Variants in SRGAP2B observed in about 807,000 individuals in gnomAD.
SRGAP2B encodes the protein SLIT-ROBO Rho GTPase activating protein 2B.
A neutral mutation model predicts 22.2 loss-of-function variants in SRGAP2B; 9 were observed. The observed-to-expected ratio is 0.41, with a 90% CI of 0.24 to 0.71. The LOEUF is 0.71. Among genes scored for constraint, SRGAP2B ranks in the 30% least tolerant of loss-of-function variants. The pLI is 0.35. For synonymous variants in SRGAP2B, 36 were observed against 87.4 expected (o/e 0.41, Z 3.28); for missense variants, 114 against 235.8 (o/e 0.48, Z 3.38).
rs2987910 is a variant in SRGAP2B, at chr1:144,956,171, C to G, written c.261-570G>C. Among the ~76,000 whole-genome samples the G allele has an allele frequency of 1.6e-4, 24 of 149,986 alleles. 1 individual carries two copies. The highest frequency in any genetic ancestry group is 6.0e-4 in the African/African-American group (24 of 39,860). On this transcript the variant is annotated intron_variant, in intron 3 of 9. Transcript: ENST00000612199. Reference sequence around the variant, plus strand: ...ACCAAAGTTAGAGATTTTGTCTAGACACAAAAATCACTACAGCACTACAAA... The same window carrying G: ...ACCAAAGTTAGAGATTTTGTCTAGAGACAAAAATCACTACAGCACTACAAA...
rs587695757 is a variant in SRGAP2B at position 144,920,798 on chromosome 1, A to G, written c.424-6044T>C. Among the ~76,000 whole-genome samples the G allele has an allele frequency of 2.5e-4, 37 of 150,898 alleles. 3 individuals carry two copies. The highest frequency in any genetic ancestry group is 9.2e-4 in the African/African-American group (37 of 40,396). ...GTTTAAGAAGACTGGTTACATACAAAAGTCTGTACTTGAGGAATTAATAAA... is the reference window on the plus strand; with the variant it reads ...GTTTAAGAAGACTGGTTACATACAAGAGTCTGTACTTGAGGAATTAATAAA... On this transcript the variant is annotated intron_variant, in intron 4 of 9. Transcript: ENST00000612199.
chr1:145,025,819 TA>T (rs1280701884), intron 2 of SRGAP2B, among the ~76,000 whole-genome samples: 2 of 149,390 alleles, frequency 1.3e-5, no homozygotes, highest in East Asian at 4.0e-4. Context: ...CTGTCTATGA[TA>T]AGCATGTTGC....
Position 144,939,568 on chromosome 1 carries a change from A to C in SRGAP2B, c.423+15871T>G, listed in dbSNP as rs1665875345. 1.4e-5 allele frequency among the ~76,000 whole-genome samples: 2 copies of C among 143,846 alleles called. 1 individual carries two copies. Among genetic ancestry groups the C allele is most frequent in the Non-Finnish European group, 3.0e-5 (2 of 66,770 alleles). 94.4% of individuals were successfully genotyped at this position (143,846 alleles called of 152,430 possible). ...GAACCATGTTTTAAGCTTGCTCTGC[A>C]GGCCTTTTATACTGCCAACTTGAAT... On this transcript the variant is annotated intron_variant, in intron 4 of 9. Coordinates refer to ENST00000612199, the Ensembl canonical transcript of SRGAP2B.
chr1:144,957,032 A>G (rs1667318860), intron 3 of SRGAP2B, among the ~76,000 whole-genome samples: 1 of 150,700 alleles, frequency 6.6e-6, no homozygotes, highest in African/African-American at 2.5e-5. Context: ...ATTTTTAAAC[A>G]CTTTGCCCAA....
Position 144,995,025 on chromosome 1 carries a change from G to A in SRGAP2B, c.243C>T (p.Thr81=). Residue 81 remains threonine, a synonymous_variant, in exon 3 of 10, where the codon ACC becomes ACT. Coordinates refer to ENST00000612199, the Ensembl canonical transcript of SRGAP2B. ...GCCCCTACTTGAATTGCTGGTCCTT[G>A]GTGCTGCATGTCTTGGCCAGGAAGC... 3.9e-6 allele frequency: 6 copies of A among 1,540,804 alleles called. No individual in the cohort carries two copies. In the South Asian group the frequency reaches 4.8e-5, roughly 12 times the overall value.
intron 4 of SRGAP2B, among the ~76,000 whole-genome samples, chr1:144,925,668 A>AG (rs1664621788): frequency 7.0e-6 from 1 of 143,826 alleles, no homozygotes; most frequent in African/African-American, 2.7e-5. Context: ...AGAAAAAAAA[A>AG]GGACAGAAAG....
intron 3 of SRGAP2B, among the ~76,000 whole-genome samples, chr1:144,993,431 T>C (rs2102145339): frequency 6.6e-6 from 1 of 150,740 alleles, no homozygotes; most frequent in Non-Finnish European, 1.5e-5. Context: ...CTGGGTGTGG[T>C]GGCTCACACC....
chr1:144,915,320 C>T (rs1663784660), intron 4 of SRGAP2B, among the ~76,000 whole-genome samples: 1 of 150,704 alleles, frequency 6.6e-6, no homozygotes, highest in Non-Finnish European at 1.5e-5. Flanking sequence ...TTACTAGATG[C>T]TGAAAATATA....
chr1:145,062,552 T>TATTCG (rs1651031331), intron 2 of SRGAP2B, among the ~76,000 whole-genome samples: 1 of 152,290 alleles, frequency 6.6e-6, no homozygotes, highest in Non-Finnish European at 1.5e-5. Context: ...CCTTTCGGTT[T>TATTCG]ATTCGCCTAG....
intron 2 of SRGAP2B, among the ~76,000 whole-genome samples, chr1:145,067,287 T>TAAAA (rs782756643): frequency 3.4e-5 from 4 of 116,806 alleles, no homozygotes; most frequent in Non-Finnish European, 7.2e-5. Flanking sequence ...AGACTCTGTC[T>TAAAA]AAAAAAAAAA....
exon 10 of SRGAP2B, chr1:144,889,155 A>G (rs1255962056): frequency 1.4e-5 from 2 of 147,774 alleles, no homozygotes; most frequent in African/African-American, 2.6e-5. Context: ...GGGTTTCACC[A>G]TGTTGTCCAG....
chr1:145,030,721 A>AAT (rs1161032950), intron 2 of SRGAP2B, among the ~76,000 whole-genome samples: 337 of 14,502 alleles, frequency 0.023, 9 homozygotes, highest in Middle Eastern at 0.1. Context: ...AAAAAAAAAA[A>AAT]ATATATATAT....
At chr1:144,973,144 T>G (rs1668650033) in intron 3 of SRGAP2B, among the ~76,000 whole-genome samples, 1 of 149,012 alleles carries the variant, frequency 6.7e-6, no homozygotes. Flanking sequence ...GTAGAAAATC[T>G]CAGAGTACAT....
At chr1:144,941,018 TA>T (rs1665999224) in intron 4 of SRGAP2B, among the ~76,000 whole-genome samples, 1 of 150,118 alleles carries the variant, frequency 6.7e-6, no homozygotes, top group Non-Finnish European at 1.5e-5. Flanking sequence ...AAAATGTGTA[TA>T]AAAAAGATTG....
Position 145,021,767 on chromosome 1 carries a change from T to C in SRGAP2B, c.68-26567A>G, listed in dbSNP as rs587639670. On this transcript the variant is annotated intron_variant, in intron 2 of 9. Transcript: ENST00000612199. ...AGGCAGAGGTTGCCGTGAGCCAAGG[T>C]CACGCCATTGCACTCCAGCCTGGGC... 2.8e-5 allele frequency among the ~76,000 whole-genome samples: 4 copies of C among 144,320 alleles called. No individual in the cohort carries two copies. In the East Asian group the frequency reaches 8.1e-4, roughly 29 times the overall value. The allele number at this position is 144,320 out of a possible 152,430, so 94.7% of individuals were successfully genotyped here. A position where few individuals can be genotyped will look rare whatever the true frequency, so the allele number is the denominator to read the frequency against.
intron 2 of SRGAP2B, among the ~76,000 whole-genome samples, chr1:145,068,892 AATGTGTGTGT>A (rs1373275137): frequency 1.7e-5 from 2 of 115,158 alleles, no homozygotes; most frequent in Admixed American, 1.8e-4. Context: ...AATAAGGTAA[AATGTGTGTGT>A]GTGTGTGTGT....
intron 3 of SRGAP2B, among the ~76,000 whole-genome samples, chr1:144,988,714 C>T (rs1440432123): frequency 6.7e-6 from 1 of 149,772 alleles, no homozygotes; most frequent in Non-Finnish European, 1.5e-5. Context: ...TATCCCCAGT[C>T]ATAACCTCTT....
intron 4 of SRGAP2B, among the ~76,000 whole-genome samples, chr1:144,929,404 A>T (rs1480629529): frequency 6.7e-6 from 1 of 150,214 alleles, no homozygotes; most frequent in Non-Finnish European, 1.5e-5. Context: ...GAAGACTTAC[A>T]CCTATATTTT....
chr1:145,044,626 A>G (rs1649534753), intron 2 of SRGAP2B, among the ~76,000 whole-genome samples: 1 of 114,526 alleles, frequency 8.7e-6, no homozygotes, highest in Non-Finnish European at 1.6e-5. Flanking sequence ...TCTTTTCCGT[A>G]TATTTTATAT....
Sources: allele counts gnomAD v4.1 joint callset (sites outside exome capture counted in the v4.1 genomes callset), GRCh38; gene constraint gnomAD v4.1.1; transcripts MANE v1.5; gene names NCBI Gene and HGNC (gene_info 2026-07-23, HGNC 2026-07-21).